The following FAT3 variants were observed in gnomAD, a reference collection of about 807,000 sequenced individuals.
The protein encoded by FAT3 is FAT atypical cadherin 3.
In FAT3, 95 loss-of-function variants were observed where a neutral mutation model predicts 310.2. That is an observed-to-expected ratio of 0.31 (90% confidence interval 0.26 to 0.36). FAT3 has a LOEUF of 0.36. Ranked by LOEUF, FAT3 falls within the 10% of genes least tolerant of loss-of-function variation. The probability of loss-of-function intolerance (pLI) is 1.00; values close to 1 mark genes in which losing one functional copy is unlikely to be tolerated. For synonymous variants in FAT3, 2,314 were observed against 2,192.9 expected, an observed-to-expected ratio of 1.06 and a Z score of -1.54; for missense variants, 5,408 against 5,715.6, an observed-to-expected ratio of 0.95 and a Z score of 1.74.
chr11:92,589,511 G>A (rs966180685), intron 3 of FAT3, among the ~76,000 whole-genome samples: 1 of 152,032 alleles, frequency 6.6e-6, no homozygotes, highest in Non-Finnish European at 1.5e-5. Flanking sequence ...CAAATACCAA[G>A]TCCTGACTGT....
intron 4 of FAT3, among the ~76,000 whole-genome samples, chr11:92,712,298 G>T (rs1327111934): frequency 6.6e-6 from 1 of 152,004 alleles, no homozygotes; most frequent in South Asian, 2.1e-4. Flanking sequence ...TAAGAAAAAG[G>T]GACTCTGGAA....
chr11:92,298,257 T>G (rs1946900690), intron 1 of FAT3, among the ~76,000 whole-genome samples: 1 of 152,176 alleles, frequency 6.6e-6, no homozygotes, highest in African/African-American at 2.4e-5. Context: ...TAAATTATGG[T>G]TTTCTGTCTT....
At chr11:92,303,749 G>A (rs1288765701) in intron 1 of FAT3, among the ~76,000 whole-genome samples, 1 of 152,104 alleles carries the variant, frequency 6.6e-6, no homozygotes, top group Non-Finnish European at 1.5e-5. Flanking sequence ...GGGATGGCTA[G>A]TCAGAGGAAC....
At chr11:92,882,204 T>G (rs1949683901) in intron 23 of FAT3, among the ~76,000 whole-genome samples, 1 of 152,190 alleles carries the variant, frequency 6.6e-6, no homozygotes, top group African/African-American at 2.4e-5. Flanking sequence ...TTCTCTCATT[T>G]AGTGTGAATA....
chr11:92,884,999 GGA>G (rs1730054741), intron 24 of FAT3, among the ~76,000 whole-genome samples: 1 of 152,186 alleles, frequency 6.6e-6, no homozygotes, highest in Non-Finnish European at 1.5e-5. Flanking sequence ...GGAGGGAAAA[GGA>G]GAGGACCCTT....
In FAT3 at chr11:92,799,373, C is replaced by G. The variant is rs771180608; in HGVS notation, c.6360C>G (p.Thr2120=). The change falls in exon 10 of 28, where the codon ACC becomes ACG. Residue 2120 remains threonine, a synonymous_variant. Coordinates refer to ENST00000525166, the MANE Select transcript of FAT3 (RefSeq NM_001367949.2). Reference sequence around the variant, plus strand: ...ATAAAGGTCCAAATGGAGAAGTGACCTATGTCCTGCAGGATGACTATGGCC... The same window carrying G: ...ATAAAGGTCCAAATGGAGAAGTGACGTATGTCCTGCAGGATGACTATGGCC... ...DKDKGPNGEV[T]YVLQDDYGHF... is the part of the protein sequence containing the mutation. 6.2e-6 allele frequency: 10 copies of G among 1,613,782 alleles called. No homozygotes were observed. The highest frequency in any genetic ancestry group is 8.5e-6 in the Non-Finnish European group (10 of 1,179,830).
intron 3 of FAT3, among the ~76,000 whole-genome samples, chr11:92,536,309 T>C (rs747824022): frequency 4.6e-5 from 7 of 152,206 alleles, no homozygotes; most frequent in Non-Finnish European, 8.8e-5. Context: ...TCTACTTTGC[T>C]GTACATAGTC....
rs2136351892 is a variant in FAT3, at chr11:92,867,109, G to A, written c.12027G>A (p.Val4009=). Residue 4009 remains valine, a synonymous_variant, in exon 22 of 28, where the codon GTG becomes GTA. Coordinates refer to ENST00000525166, the MANE Select transcript of FAT3 (RefSeq NM_001367949.2). Reference sequence around the variant, plus strand: ...AGCGCAGCAGCTTCGCGGAGGTGGTGGGCCTGACGGAGCTGAAGCTGGGCT... The same window carrying A: ...AGCGCAGCAGCTTCGCGGAGGTGGTAGGCCTGACGGAGCTGAAGCTGGGCT... ...QNKRSSFAEV[V]GLTELKLGCV... 2 of 1,602,116 alleles carry A rather than the reference G, an allele frequency of 1.2e-6. No individual in the cohort carries two copies. The highest frequency in any genetic ancestry group is 1.7e-6 in the Non-Finnish European group (2 of 1,175,062).
intron 3 of FAT3, among the ~76,000 whole-genome samples, chr11:92,556,159 T>C (rs1282613279): frequency 6.6e-6 from 1 of 152,214 alleles, no homozygotes; most frequent in African/African-American, 2.4e-5. Context: ...GGCTGCACTT[T>C]TCTGGAAACC....
intron 3 of FAT3, among the ~76,000 whole-genome samples, chr11:92,594,890 G>A (rs985586306): frequency 1.3e-4 from 19 of 151,882 alleles, no homozygotes; most frequent in African/African-American, 3.6e-4. Flanking sequence ...GATTGCTTAC[G>A]GGAGAAAAAA....
At chr11:92,694,141 C>A (rs554671267) in intron 3 of FAT3, among the ~76,000 whole-genome samples, 1 of 152,276 alleles carries the variant, frequency 6.6e-6, no homozygotes, top group Non-Finnish European at 1.5e-5. Context: ...ATGCAACCAT[C>A]ACCATAGTCT....
intron 2 of FAT3, among the ~76,000 whole-genome samples, chr11:92,356,140 G>A (rs940794811): frequency 6.6e-6 from 1 of 152,218 alleles, no homozygotes; most frequent in Admixed American, 6.5e-5. Flanking sequence ...ACAGATACAG[G>A]TTTTTTAAAA....
intron 9 of FAT3, among the ~76,000 whole-genome samples, chr11:92,793,193 T>C (rs1351969938): frequency 1.3e-5 from 2 of 152,168 alleles, no homozygotes; most frequent in Non-Finnish European, 2.9e-5. Context: ...GAAAATTTCC[T>C]TTGTTGTGTT....
chr11:92,767,977 A>G (rs1946360089), intron 6 of FAT3, among the ~76,000 whole-genome samples: 1 of 152,120 alleles, frequency 6.6e-6, no homozygotes, highest in Admixed American at 6.5e-5. Flanking sequence ...CACCTTTGAC[A>G]AAATAGAAAC....
rs374422914 is a variant in FAT3, at chr11:92,521,434, C to T, written c.3293-3200C>T. Among the ~76,000 whole-genome samples the T allele has an allele frequency of 3.3e-5, 5 of 152,234 alleles. No individual in the cohort carries two copies. The South Asian group carries it at 1.0e-3, about 32-fold the overall frequency. On this transcript the variant is annotated intron_variant, in intron 2 of 27. Coordinates refer to ENST00000525166, the MANE Select transcript of FAT3 (RefSeq NM_001367949.2). Reference sequence around the variant, plus strand: ...ACTTCTTACCTTTCAAGATTATCCCCTGCTTTAGGGTGTGATTACCATTTA... The same window carrying T: ...ACTTCTTACCTTTCAAGATTATCCCTTGCTTTAGGGTGTGATTACCATTTA...
chr11:92,703,426 C>G (rs1944164240), intron 4 of FAT3, among the ~76,000 whole-genome samples: 1 of 152,184 alleles, frequency 6.6e-6, no homozygotes, highest in South Asian at 2.1e-4. Flanking sequence ...CTTTCTGCCA[C>G]CTTCAGAGAA....
intron 3 of FAT3, among the ~76,000 whole-genome samples, chr11:92,528,084 A>G (rs1042202585): frequency 1.2e-4 from 18 of 152,384 alleles, no homozygotes; most frequent in South Asian, 8.3e-4. Flanking sequence ...CTTGTAGCAG[A>G]TAACAGATGT....
chr11:92,821,408 A>G (rs1056267684), intron 13 of FAT3, among the ~76,000 whole-genome samples: 2 of 152,140 alleles, frequency 1.3e-5, no homozygotes, highest in African/African-American at 4.8e-5. Flanking sequence ...TGCCTTAGAT[A>G]TTGTTATTTC....
chr11:92,630,131 G>C (rs1941501215), intron 3 of FAT3, among the ~76,000 whole-genome samples: 1 of 152,036 alleles, frequency 6.6e-6, no homozygotes, highest in Admixed American at 6.6e-5. Flanking sequence ...GGATCGCATG[G>C]CCCTCCCTAC....
Sources: allele counts gnomAD v4.1 joint callset (sites outside exome capture counted in the v4.1 genomes callset), GRCh38; gene constraint gnomAD v4.1.1; transcripts MANE v1.5; gene names NCBI Gene and HGNC (gene_info 2026-07-23, HGNC 2026-07-21).